Variants in BTBD16 observed in about 807,000 individuals in gnomAD.
BTBD16 encodes the protein BTB/POZ domain-containing protein 16.
In BTBD16, 66 loss-of-function variants were observed where a neutral mutation model predicts 67.4. The observed-to-expected ratio is 0.98, with a 90% CI of 0.80 to 1.20. BTBD16 has a LOEUF of 1.20. Among genes scored for constraint, BTBD16 ranks in the 50% most tolerant of loss-of-function variants. BTBD16 has a pLI of 0.00. For missense variants in BTBD16, 634 were observed against 616.0 expected (o/e 1.03, Z -0.31); for synonymous variants, 242 against 236.4 (o/e 1.02, Z -0.22).
intron 3 of BTBD16, among the ~76,000 whole-genome samples, chr10:122,280,108 T>C (rs1211029586): frequency 1.3e-5 from 2 of 152,202 alleles, no homozygotes; most frequent in African/African-American, 2.4e-5. Flanking sequence ...GAGAGGAGGC[T>C]GAGAGGAGGA....
At chr10:122,309,738 A>T (rs1187506216) in intron 10 of BTBD16, among the ~76,000 whole-genome samples, 1 of 148,424 alleles carries the variant, frequency 6.7e-6, no homozygotes, top group Non-Finnish European at 1.5e-5. Flanking sequence ...CTCCCAAAGC[A>T]CTGGGATTAC....
chr10:122,302,615 C>T (rs2096396276), intron 9 of BTBD16, among the ~76,000 whole-genome samples: 1 of 152,236 alleles, frequency 6.6e-6, no homozygotes, highest in African/African-American at 2.4e-5. Context: ...CTTTGCCCTC[C>T]AGCATGGGAC....
intron 10 of BTBD16, among the ~76,000 whole-genome samples, chr10:122,318,442 C>G (rs1160659271): frequency 6.6e-6 from 1 of 152,032 alleles, no homozygotes; most frequent in Non-Finnish European, 1.5e-5. Context: ...TATAAATATT[C>G]CTGTACAAGT....
intron 5 of BTBD16, among the ~76,000 whole-genome samples, chr10:122,286,497 C>T (rs556793838): frequency 6.6e-6 from 1 of 152,260 alleles, no homozygotes; most frequent in African/African-American, 2.4e-5. Context: ...AGGCCTGGCA[C>T]ACAGCAAGCT....
chr10:122,298,985 T>C lies in BTBD16; in HGVS notation c.661-19T>C, dbSNP rs997054983. On this transcript the variant is annotated intron_variant, in intron 8 of 15. Coordinates refer to ENST00000260723, the MANE Select transcript of BTBD16 (RefSeq NM_144587.5). ...AGAGCTCAGGACTTCCTTCATCAAC[T>C]GGCTTTTTTTTGTCTTAGTACAAGG... 13 of 1,612,666 alleles carry C rather than the reference T, an allele frequency of 8.1e-6. No homozygotes were observed. The highest frequency in any genetic ancestry group is 1.1e-5 in the Non-Finnish European group (13 of 1,179,730).
rs1590070549 is a variant in BTBD16, at chr10:122,303,207, C to T, written c.792-3982C>T. The stretch of plus-strand genomic sequence containing the variant: ...CCTATGTTTCCCTCCCAGTCCCATT[C>T]CCTTCCTCATTTCTGCCTCCTTCCC... On this transcript the variant is annotated intron_variant, in intron 9 of 15. Coordinates refer to ENST00000260723, the MANE Select transcript of BTBD16 (RefSeq NM_144587.5). Among the ~76,000 whole-genome samples, 3 of 152,304 alleles carry T rather than the reference C, an allele frequency of 2.0e-5. No individual in the cohort carries two copies. In the East Asian group the frequency reaches 5.8e-4, roughly 29 times the overall value.
At chr10:122,309,177 A>G (rs2096408994) in intron 10 of BTBD16, among the ~76,000 whole-genome samples, 1 of 151,942 alleles carries the variant, frequency 6.6e-6, no homozygotes, top group Non-Finnish European at 1.5e-5. Flanking sequence ...TCCAGGTTGG[A>G]GTACAGTGGC....
chr10:122,286,365 G>T (rs1043500982), intron 5 of BTBD16, 117 bp downstream of exon 5: 8 of 1,404,966 alleles, frequency 5.7e-6, no homozygotes, highest in Middle Eastern at 2.5e-4. Context: ...CAAGAGTAAG[G>T]CTCCACAGTG....
At chr10:122,302,946 C>CTAA (rs2096396892) in intron 9 of BTBD16, among the ~76,000 whole-genome samples, 1 of 152,068 alleles carries the variant, frequency 6.6e-6, no homozygotes, top group Non-Finnish European at 1.5e-5. Context: ...TGGTCATTAC[C>CTAA]AGCTCACTGA....
At chr10:122,329,999 G>A (rs9663185) in intron 11 of BTBD16, among the ~76,000 whole-genome samples, 85,164 of 151,968 alleles carry the variant, frequency 0.56, 24,560 homozygotes, top group East Asian at 0.86. Flanking sequence ...GGAAAGAGGA[G>A]GGAAATGTTG....
chr10:122,284,562 C>A (rs2096359669), intron 4 of BTBD16, among the ~76,000 whole-genome samples: 1 of 152,202 alleles, frequency 6.6e-6, no homozygotes, highest in African/African-American at 2.4e-5. Flanking sequence ...ACGTTCACAG[C>A]TGCACTTGTT....
chr10:122,336,804 T>A, intron 15 of BTBD16, 122 bp downstream of exon 15: 1 of 862,534 alleles, frequency 1.2e-6, no homozygotes, highest in Non-Finnish European at 1.7e-6. Context: ...AAAATCTGGC[T>A]CAGTTTCTTA....
chr10:122,337,558 G>C (rs945119998), intron 15 of BTBD16, among the ~76,000 whole-genome samples: 1 of 152,088 alleles, frequency 6.6e-6, no homozygotes, highest in Non-Finnish European at 1.5e-5. Flanking sequence ...TCCACCTCCC[G>C]GGTTCACGCC....
chr10:122,304,726 T>C (rs529559234), intron 9 of BTBD16, among the ~76,000 whole-genome samples: 35 of 152,154 alleles, frequency 2.3e-4, no homozygotes, highest in African/African-American at 8.2e-4. Context: ...GATAATTTTT[T>C]GTATTTTTAG....
At chr10:122,286,395 C>A in intron 5 of BTBD16, 147 bp downstream of exon 5, 1 of 1,170,812 alleles carries the variant, frequency 8.5e-7, no homozygotes, top group Non-Finnish European at 1.1e-6. Context: ...CCCATGACAG[C>A]CTCAGTTTCC....
At chr10:122,291,043 C>T (rs2096372944) in intron 6 of BTBD16, 37 bp from the exon 7 acceptor site, 9 of 1,593,758 alleles carry the variant, frequency 5.6e-6, no homozygotes, top group Non-Finnish European at 6.8e-6. Flanking sequence ...GTGTGCAGAG[C>T]CCCACACAGA....
intron 10 of BTBD16, among the ~76,000 whole-genome samples, chr10:122,324,550 T>C (rs866394904): frequency 9.8e-5 from 15 of 152,360 alleles, no homozygotes; most frequent in South Asian, 6.2e-4. Context: ...ACATTAATTT[T>C]GAAATATCCC....
chr10:122,303,685 G>T, intron 9 of BTBD16: 4 of 892,250 alleles, frequency 4.5e-6, no homozygotes, highest in Non-Finnish European at 4.0e-6. Context: ...CTTATGAAAA[G>T]CATTTTTTTC....
intron 7 of BTBD16, chr10:122,295,574 C>A: frequency 1.0e-6 from 1 of 973,394 alleles, no homozygotes; most frequent in Non-Finnish European, 1.2e-6. Context: ...GGGAGGCTGG[C>A]TGTTGAGAGG....
Sources: allele counts gnomAD v4.1 joint callset (sites outside exome capture counted in the v4.1 genomes callset), GRCh38; gene constraint gnomAD v4.1.1; transcripts MANE v1.5; gene names NCBI Gene and HGNC (gene_info 2026-07-23, HGNC 2026-07-21).